Variants in MAP2K4 observed in about 807,000 individuals in gnomAD.
MAP2K4 encodes mitogen-activated protein kinase kinase 4.
In MAP2K4, 4 loss-of-function variants were observed where a neutral mutation model predicts 48.5. The ratio of observed to expected loss-of-function variants is 0.08; its 90% confidence interval spans 0.04 to 0.19. MAP2K4 has a LOEUF of 0.19. MAP2K4 is among the 10% of genes least tolerant of loss of function. MAP2K4 has a pLI of 1.00. For synonymous variants in MAP2K4, 166 were observed against 173.1 expected, an observed-to-expected ratio of 0.96 and a Z score of 0.32; for missense variants, 258 against 493.3, an observed-to-expected ratio of 0.52 and a Z score of 4.52.
chr17:12,078,290 G>A (rs1291439482), intron 2 of MAP2K4, among the ~76,000 whole-genome samples: 1 of 152,164 alleles, frequency 6.6e-6, no homozygotes, highest in African/African-American at 2.4e-5. Flanking sequence ...GGAACCTTAT[G>A]TAGTGTTCAT....
At chr17:12,032,260 C>T (rs1035971169) in intron 1 of MAP2K4, 228 of 1,413,968 alleles carry the variant, frequency 1.6e-4, no homozygotes, top group Non-Finnish European at 2.1e-4. Context: ...ATCTTTTTTA[C>T]TTTAGGCTTT....
chr17:12,126,981 T>TA (rs1452711090), intron 8 of MAP2K4, among the ~76,000 whole-genome samples: 2 of 152,220 alleles, frequency 1.3e-5, no homozygotes, highest in Non-Finnish European at 2.9e-5. Context: ...AGCCCAGAAA[T>TA]ACACAGGTTC....
chr17:12,129,084 G>A (rs1020250987), intron 8 of MAP2K4, 55 bp from the exon 9 acceptor site: 1 of 1,579,946 alleles, frequency 6.3e-7, no homozygotes, highest in Admixed American at 1.7e-5. Context: ...CCTTCCAGTG[G>A]GGAGTAGTAA....
intron 7 of MAP2K4, among the ~76,000 whole-genome samples, chr17:12,120,883 G>T (rs978374437): frequency 6.6e-6 from 1 of 152,214 alleles, no homozygotes; most frequent in Non-Finnish European, 1.5e-5. Flanking sequence ...GCTGTTTGTT[G>T]TAGCTGCTGT....
chr17:12,114,262 C>A (rs1404422764), intron 7 of MAP2K4, among the ~76,000 whole-genome samples: 1 of 152,078 alleles, frequency 6.6e-6, no homozygotes, highest in Non-Finnish European at 1.5e-5. Flanking sequence ...TATAGGTGTT[C>A]TAGATTATTT....
intron 9 of MAP2K4, among the ~76,000 whole-genome samples, chr17:12,133,283 C>T (rs1193933325): frequency 6.6e-6 from 1 of 152,164 alleles, no homozygotes; most frequent in African/African-American, 2.4e-5. Context: ...GGTTTCACCA[C>T]ACTGGCCAGG....
At chr17:12,073,833 C>T (rs1021185823) in intron 2 of MAP2K4, among the ~76,000 whole-genome samples, 2 of 145,406 alleles carry the variant, frequency 1.4e-5, no homozygotes, top group African/African-American at 2.5e-5. Context: ...AGTGCAGTGG[C>T]GTGATCTCGG....
Position 12,143,593 on chromosome 17 carries a change from G to A in MAP2K4, c.*2333G>A. On this transcript the variant is annotated 3_prime_UTR_variant, in exon 11 of 11. Transcript: ENST00000353533. ...GAGCTCAGTAACATAACTGCTTCTT[G>A]GAGCTTTGGAATATTTTATCCTGTA... The A allele has an allele frequency of 4.3e-6, 1 of 230,838 alleles. No individual in the cohort carries two copies. Among genetic ancestry groups the A allele is most frequent in the Non-Finnish European group, 8.6e-6 (1 of 116,376 alleles). 14.3% of individuals were successfully genotyped at this position (230,838 alleles called of 1,614,324 possible). A position where few individuals can be genotyped will look rare whatever the true frequency, so the allele number is the denominator to read the frequency against.
Position 12,110,377 on chromosome 17 carries a change from T to A in MAP2K4, c.636T>A (p.Thr212=). 1 of 1,609,906 alleles carries A rather than the reference T, an allele frequency of 6.2e-7. No individual in the cohort carries two copies. The highest frequency in any genetic ancestry group is 8.5e-7 in the Non-Finnish European group (1 of 1,176,670). Residue 212 remains threonine (T), a splice_region_variant and synonymous_variant, in exon 6 of 11, where the codon ACT becomes ACA. Transcript: ENST00000353533. ...EEILGKITLA[T]VKALNHLKEN... is the part of the protein sequence containing the mutation. ...CCATCTCTCCTTTTTCTCCCTAGAC[T>A]GTGAAAGCACTAAACCACTTAAAAG...
chr17:12,094,307 G>A (rs1286171531), intron 3 of MAP2K4, among the ~76,000 whole-genome samples: 1 of 152,200 alleles, frequency 6.6e-6, no homozygotes, highest in Non-Finnish European at 1.5e-5. Context: ...CCTCAAAAAT[G>A]AAACGGAGAG....
chr17:12,133,361 C>T (rs541086193), intron 9 of MAP2K4, among the ~76,000 whole-genome samples: 2 of 152,280 alleles, frequency 1.3e-5, no homozygotes, highest in Admixed American at 1.3e-4. Flanking sequence ...GGATTACAGG[C>T]GTGAGCCACT....
rs147440872 is a variant in MAP2K4 at position 12,140,162 on chromosome 17, A to C, written c.1086+278A>C. On this transcript the variant is annotated intron_variant, in intron 10 of 10. Transcript: ENST00000353533. ...TTCTGACTTTAAGAAGCCATTTTCC[A>C]CTGCATAGTCTATTTATATGGGATG... Among the ~76,000 whole-genome samples the C allele has an allele frequency of 1.1e-3, 165 of 152,256 alleles. 1 individual carries two copies. Among genetic ancestry groups the C allele is most frequent in the African/African-American group, 3.5e-3 (147 of 41,570 alleles).
At chr17:12,031,406 A>G (rs796625971) in intron 1 of MAP2K4, among the ~76,000 whole-genome samples, 8 of 152,276 alleles carry the variant, frequency 5.3e-5, no homozygotes, top group African/African-American at 1.7e-4. Context: ...AAGTTATTGT[A>G]AGCTTACTTC....
chr17:12,080,714 C>T (rs1395698052), intron 2 of MAP2K4, among the ~76,000 whole-genome samples: 1 of 152,170 alleles, frequency 6.6e-6, no homozygotes, highest in Non-Finnish European at 1.5e-5. Context: ...TTAACAAGAA[C>T]AGGACAGTAT....
intron 5 of MAP2K4, among the ~76,000 whole-genome samples, chr17:12,108,557 T>TTTGTA (rs28923216): frequency 0.41 from 61,388 of 151,428 alleles, 12,629 homozygotes; most frequent in East Asian, 0.5. Flanking sequence ...CTCTGAATCT[T>TTTGTA]AATTTTTTTT....
intron 2 of MAP2K4, among the ~76,000 whole-genome samples, chr17:12,080,450 A>T (rs562628288): frequency 6.6e-6 from 1 of 152,222 alleles, no homozygotes; most frequent in South Asian, 2.1e-4. Flanking sequence ...TACATTTTTC[A>T]TTGGATTTAC....
chr17:12,115,521 A>C (rs1353270886), intron 7 of MAP2K4: 1 of 567,496 alleles, frequency 1.8e-6, no homozygotes, highest in African/African-American at 3.1e-5. Context: ...GGTATAAAGG[A>C]GGTAGAGGTG....
chr17:12,127,867 A>G (rs1209937238), intron 8 of MAP2K4, among the ~76,000 whole-genome samples: 5 of 152,228 alleles, frequency 3.3e-5, no homozygotes, highest in Non-Finnish European at 7.3e-5. Context: ...ATTAGAAACA[A>G]CAGTGAGCTG....
At chr17:12,033,680 A>G (rs1399006092) in intron 1 of MAP2K4, among the ~76,000 whole-genome samples, 1 of 152,118 alleles carries the variant, frequency 6.6e-6, no homozygotes, top group Admixed American at 6.5e-5. Flanking sequence ...TATGCTTTTA[A>G]TTTTGACACA....
Sources: gnomAD v4.1 joint callset for allele counts (sites outside exome capture counted in the v4.1 genomes callset) on GRCh38, gnomAD v4.1.1 for gene constraint, MANE v1.5 for transcripts, NCBI Gene and HGNC (gene_info 2026-07-23, HGNC 2026-07-21) for gene names.